CHIC2: variants seen among roughly 807,000 people sequenced by gnomAD.
CHIC2 encodes the protein cysteine-rich hydrophobic domain-containing protein 2.
In CHIC2, 14 loss-of-function variants were observed where a neutral mutation model predicts 25.9. That is an observed-to-expected ratio of 0.54 (90% CI 0.36 to 0.85). CHIC2 has a LOEUF of 0.85. Ranked by LOEUF, CHIC2 falls within the 40% of genes least tolerant of loss-of-function variation. CHIC2 has a pLI of 0.01. For missense variants in CHIC2, 146 were observed against 202.0 expected (o/e 0.72, Z 1.68); for synonymous variants, 70 against 72.0 (o/e 0.97, Z 0.14).
intron 3 of CHIC2, among the ~76,000 whole-genome samples, chr4:54,016,777 CTTGAT>C (rs1307980334): frequency 6.6e-6 from 1 of 151,436 alleles, no homozygotes; most frequent in African/African-American, 2.4e-5. Context: ...GAAAGGAACC[CTTGAT>C]TTGAGTGGAA....
intron 5 of CHIC2, among the ~76,000 whole-genome samples, chr4:54,013,199 T>C (rs1715642571): frequency 6.6e-6 from 1 of 152,104 alleles, no homozygotes; most frequent in African/African-American, 2.4e-5. Context: ...GAAAAACTGT[T>C]CAAGTAAATC....
chr4:54,046,896 C>T (rs896272496), intron 3 of CHIC2, among the ~76,000 whole-genome samples: 3 of 152,188 alleles, frequency 2.0e-5, no homozygotes, highest in African/African-American at 7.2e-5. Flanking sequence ...TTGCAACCTG[C>T]TCATCTGACA....
chr4:54,054,231 T>C (rs1717101283), intron 1 of CHIC2, among the ~76,000 whole-genome samples: 1 of 152,256 alleles, frequency 6.6e-6, no homozygotes, highest in Non-Finnish European at 1.5e-5. Flanking sequence ...TGCATTTCAA[T>C]GTTTTCCATA....
chr4:54,050,648 T>C (rs773343354), intron 1 of CHIC2, among the ~76,000 whole-genome samples: 7 of 152,124 alleles, frequency 4.6e-5, no homozygotes, highest in Admixed American at 4.6e-4. Flanking sequence ...TATGTTTAGA[T>C]ACACAAAAAC....
At chr4:54,016,717 T>A (rs1647351580) in intron 3 of CHIC2, among the ~76,000 whole-genome samples, 3 of 152,080 alleles carry the variant, frequency 2.0e-5, no homozygotes, top group Admixed American at 6.6e-5. Context: ...TCATTGCACT[T>A]GACATCTCAA....
the CHIC2 span, among the ~76,000 whole-genome samples, chr4:54,086,406 T>C: frequency 3.1e-3 from 477 of 152,236 alleles, 4 homozygotes; most frequent in African/African-American, 0.011. Flanking sequence ...TGGGGTTTGG[T>C]TTAGGAGGTC....
intron 3 of CHIC2, among the ~76,000 whole-genome samples, chr4:54,035,719 T>G (rs1716363847): frequency 6.6e-6 from 1 of 152,184 alleles, no homozygotes; most frequent in African/African-American, 2.4e-5. Flanking sequence ...GGTTTCAGTC[T>G]GACCATTATT....
intron 3 of CHIC2, among the ~76,000 whole-genome samples, chr4:54,018,362 T>A (rs1715805758): frequency 6.6e-6 from 1 of 152,150 alleles, no homozygotes; most frequent in Admixed American, 6.5e-5. Flanking sequence ...ACTGTAACTT[T>A]CTTAGGAATA....
In CHIC2 at chr4:54,045,866, G is replaced by T. The variant is rs1404522472; in HGVS notation, c.330+3089C>A. On this transcript the variant is annotated intron_variant, in intron 3 of 5. Coordinates refer to ENST00000263921, the MANE Select transcript of CHIC2 (RefSeq NM_012110.4). The stretch of plus-strand genomic sequence containing the variant: ...GAAAAGAGGAAGTCAAATTGTCCCT[G>T]TTTGCAGATGACATGATTGTATATC... Among the ~76,000 whole-genome samples the T allele has an allele frequency of 4.0e-5, 6 of 151,666 alleles. No homozygotes were observed. The East Asian group carries it at 9.7e-4, about 25-fold the overall frequency.
chr4:54,017,405 T>C (rs1019450175), intron 3 of CHIC2, among the ~76,000 whole-genome samples: 1 of 152,184 alleles, frequency 6.6e-6, no homozygotes. Context: ...TAATTTTCTT[T>C]AAGAGAATTT....
chr4:54,068,681 T>C (rs1048725040), upstream of CHIC2, among the ~76,000 whole-genome samples: 1 of 152,222 alleles, frequency 6.6e-6, no homozygotes, highest in African/African-American at 2.4e-5. Context: ...TGACCAGATG[T>C]GTTGGGGGGT....
At chr4:54,018,981 A>G (rs988893124) in intron 3 of CHIC2, among the ~76,000 whole-genome samples, 2 of 151,926 alleles carry the variant, frequency 1.3e-5, no homozygotes, top group African/African-American at 2.4e-5. Context: ...TATTTTTCAA[A>G]TAAGAATGCT....
intron 1 of CHIC2, among the ~76,000 whole-genome samples, chr4:54,058,913 CCT>C (rs1339551272): frequency 6.6e-6 from 1 of 151,574 alleles, no homozygotes; most frequent in Non-Finnish European, 1.5e-5. Flanking sequence ...CCATTTAATC[CCT>C]CTTTTCCACT....
At chr4:54,024,431 C>T (rs910511186) in intron 3 of CHIC2, among the ~76,000 whole-genome samples, 2 of 151,982 alleles carry the variant, frequency 1.3e-5, no homozygotes, top group African/African-American at 4.8e-5. Flanking sequence ...TTCTTGTTCC[C>T]GTTCTTATGC....
intron 3 of CHIC2, among the ~76,000 whole-genome samples, chr4:54,048,324 T>C (rs764379047): frequency 1.1e-4 from 16 of 151,944 alleles, no homozygotes; most frequent in Non-Finnish European, 1.6e-4. Flanking sequence ...AAATAATGAG[T>C]CTTTGAAATT....
intron 3 of CHIC2, among the ~76,000 whole-genome samples, chr4:54,020,236 T>C (rs933575428): frequency 2.0e-5 from 3 of 152,306 alleles, no homozygotes. Context: ...CCACCTTAAC[T>C]GATCAACGTG....
rs1278567822 is a variant in CHIC2 at position 54,064,575 on chromosome 4, C to T, written c.-275G>A. ...CCTCCACAAGCACAGACGCCGCTGC[C>T]GCCGCCGCAGCAGCAGCAACTCAGG... On this transcript the variant is annotated 5_prime_UTR_variant, in exon 1 of 6. Coordinates refer to ENST00000263921, the MANE Select transcript of CHIC2 (RefSeq NM_012110.4). This position sits in a 1 kb window ranked among gnomAD's most constrained non-coding sequence, Gnocchi z 4.2. 3.2e-6 allele frequency: 4 copies of T among 1,259,862 alleles called. No homozygotes were observed. Among genetic ancestry groups the T allele is most frequent in the South Asian group, 3.9e-5 (2 of 50,738 alleles). The allele number at this position is 1,259,862 out of a possible 1,614,324, so 78.0% of individuals were successfully genotyped here.
chr4:54,078,804 C>T, the CHIC2 span, among the ~76,000 whole-genome samples: 3 of 152,136 alleles, frequency 2.0e-5, no homozygotes, highest in Non-Finnish European at 2.9e-5. Context: ...AGTGAGCCAC[C>T]GTTCCCGGCC....
intron 3 of CHIC2, among the ~76,000 whole-genome samples, chr4:54,022,623 C>T (rs1053470055): frequency 2.6e-5 from 4 of 152,076 alleles, no homozygotes; most frequent in Admixed American, 2.6e-4. Context: ...TACAGCCACA[C>T]CTCATTGCCA....
Sources: allele counts gnomAD v4.1 joint callset (sites outside exome capture counted in the v4.1 genomes callset), GRCh38; gene constraint gnomAD v4.1.1; non-coding constraint Gnocchi (gnomAD v3.1); transcripts MANE v1.5; gene names NCBI Gene and HGNC (gene_info 2026-07-23, HGNC 2026-07-21).